SKAP1: variants seen among roughly 807,000 people sequenced by gnomAD.
The protein encoded by SKAP1 is src kinase-associated phosphoprotein 1.
Under a neutral mutation model 58.5 loss-of-function variants are expected in SKAP1, and 44 were observed. The observed-to-expected ratio is 0.75, with a 90% CI of 0.59 to 0.97. SKAP1 has a LOEUF of 0.97. Among genes scored for constraint, SKAP1 ranks in the 50% least tolerant of loss-of-function variants. The pLI is 0.00. For missense variants in SKAP1, 390 were observed against 435.2 expected (o/e 0.90, Z 0.92); for synonymous variants, 127 against 149.7 (o/e 0.85, Z 1.11).
At chr17:48,248,898 A>G (rs2065328824) in intron 4 of SKAP1, 1 of 152,140 alleles carries the variant, frequency 6.6e-6, no homozygotes, top group Non-Finnish European at 1.5e-5. Flanking sequence ...CCAAGTTTAG[A>G]TAAGAACATT....
chr17:48,345,794 C>G, intron 4 of SKAP1, 111 bp downstream of exon 4: 1 of 710,646 alleles, frequency 1.4e-6, no homozygotes, highest in Non-Finnish European at 2.5e-6. Context: ...ATTACCAGTA[C>G]AGAAAACCCA....
intron 4 of SKAP1, among the ~76,000 whole-genome samples, chr17:48,310,107 C>A (rs1038608262): frequency 7.9e-5 from 12 of 152,280 alleles, no homozygotes; most frequent in Middle Eastern, 3.4e-3. Flanking sequence ...CTGCATGCAC[C>A]AACTTTCACT....
At chr17:48,285,255 T>G (rs1050048347) in intron 4 of SKAP1, among the ~76,000 whole-genome samples, 2 of 152,218 alleles carry the variant, frequency 1.3e-5, no homozygotes, top group Non-Finnish European at 2.9e-5. Flanking sequence ...AGCAGAAAGC[T>G]TACTTATACC....
chr17:48,166,469 A>G (rs1434121239), intron 10 of SKAP1, among the ~76,000 whole-genome samples: 1 of 152,234 alleles, frequency 6.6e-6, no homozygotes, highest in Non-Finnish European at 1.5e-5. Context: ...AAAAAGGACC[A>G]GGACATCTCT....
At chr17:48,369,758 A>AT (rs2067059620) in intron 2 of SKAP1, among the ~76,000 whole-genome samples, 1 of 152,222 alleles carries the variant, frequency 6.6e-6, no homozygotes, top group African/African-American at 2.4e-5. Context: ...CAAGGATTAA[A>AT]TAACTTACCC....
At chr17:48,376,190 C>T (rs777161639) in intron 2 of SKAP1, among the ~76,000 whole-genome samples, 6 of 152,046 alleles carry the variant, frequency 3.9e-5, no homozygotes, top group Non-Finnish European at 7.4e-5. Context: ...ACCACTGAGA[C>T]GCCATTATCT....
At chr17:48,367,763 TA>T (rs1392970047) in intron 2 of SKAP1, among the ~76,000 whole-genome samples, 1 of 151,056 alleles carries the variant, frequency 6.6e-6, no homozygotes, top group Non-Finnish European at 1.5e-5. Context: ...ACAAAAGGTA[TA>T]AAAATTAGCC....
intron 4 of SKAP1, among the ~76,000 whole-genome samples, chr17:48,317,997 G>A (rs1320812115): frequency 1.3e-5 from 2 of 152,132 alleles, no homozygotes; most frequent in Non-Finnish European, 2.9e-5. Context: ...GATTTAGAAA[G>A]TGTAATACTG....
chr17:48,271,541 A>T (rs564365631), intron 4 of SKAP1, among the ~76,000 whole-genome samples: 1 of 151,506 alleles, frequency 6.6e-6, no homozygotes, highest in African/African-American at 2.4e-5. Context: ...AATTTTTTTT[A>T]GTATCATTTG....
At position 48,382,402 on chromosome 17, in the gene SKAP1, C is replaced by T. The variant is rs550978107; in HGVS notation, c.152+14278G>A. 13 of 152,358 alleles carry T rather than the reference C, an allele frequency of 8.5e-5. No homozygotes were observed. The East Asian group carries it at 2.5e-3, about 29-fold the overall frequency. 9.4% of individuals were successfully genotyped at this position (152,358 alleles called of 1,614,324 possible). The stretch of plus-strand genomic sequence containing the variant: ...CAGACTGTGTCCTCTCCTCCTTACT[C>T]TCCCAGAGGAAGAGAAGAATGATTG... On this transcript the variant is annotated intron_variant, in intron 2 of 12. Transcript: ENST00000336915.
chr17:48,362,865 G>C (rs906856670), intron 3 of SKAP1, among the ~76,000 whole-genome samples: 4 of 152,124 alleles, frequency 2.6e-5, no homozygotes, highest in Non-Finnish European at 4.4e-5. Context: ...AGAATAAAAA[G>C]TACTTAAAAA....
intron 2 of SKAP1, among the ~76,000 whole-genome samples, chr17:48,364,245 C>T (rs1055710333): frequency 7.2e-5 from 11 of 152,288 alleles, no homozygotes; most frequent in African/African-American, 2.6e-4. Flanking sequence ...ACCACCAACA[C>T]CAACACATCT....
chr17:48,155,592 C>T (rs964658989), intron 11 of SKAP1, among the ~76,000 whole-genome samples: 10 of 151,938 alleles, frequency 6.6e-5, no homozygotes, highest in African/African-American at 2.2e-4. Context: ...CACAGTGGCT[C>T]ACACCTGTAA....
At chr17:48,434,268 C>A (rs1378018999), upstream of SKAP1, among the ~76,000 whole-genome samples, 2 of 152,288 alleles carry the variant, frequency 1.3e-5, no homozygotes, top group East Asian at 3.9e-4. Flanking sequence ...TGCATCCTGT[C>A]GGTGCCAAGA....
intron 11 of SKAP1, among the ~76,000 whole-genome samples, chr17:48,139,186 A>ATT: frequency 6.9e-6 from 1 of 145,208 alleles, no homozygotes; most frequent in East Asian, 2.0e-4. Context: ...GCCAAAATAA[A>ATT]TTTTTTTTTT....
rs1555624630 is a variant in SKAP1 at position 48,410,933 on chromosome 17, T to TC, written c.47-14149dup. On this transcript the variant is annotated intron_variant, in intron 1 of 12. Coordinates refer to ENST00000336915, the MANE Select transcript of SKAP1 (RefSeq NM_003726.4). ...CAGAGCGACAGAGCGAGACTCCATT[T>TC]CAAAAAAAAAAAAAAAAAAAAAAAG... 4.2e-4 allele frequency among the ~76,000 whole-genome samples: 9 copies of TC among 21,470 alleles called. No individual in the cohort carries two copies. In the Admixed American group the frequency reaches 7.3e-3, roughly 17 times the overall value. The allele number at this position is 21,470 out of a possible 152,430, so 14.1% of individuals were successfully genotyped here.
At chr17:48,364,688 A>AAAC (rs892574611) in intron 2 of SKAP1, among the ~76,000 whole-genome samples, 5 of 152,054 alleles carry the variant, frequency 3.3e-5, no homozygotes, top group Admixed American at 6.5e-5. Flanking sequence ...AAAACAAAAC[A>AAAC]AACAACAACA....
intron 3 of SKAP1, among the ~76,000 whole-genome samples, chr17:48,354,366 C>A (rs540330060): frequency 6.6e-6 from 1 of 152,270 alleles, no homozygotes; most frequent in Admixed American, 6.5e-5. Flanking sequence ...AAAAGTATCT[C>A]TTTATTTAAA....
At chr17:48,403,493 T>C (rs957221515) in intron 1 of SKAP1, among the ~76,000 whole-genome samples, 1 of 152,068 alleles carries the variant, frequency 6.6e-6, no homozygotes, top group African/African-American at 2.4e-5. Flanking sequence ...ACATATCCTT[T>C]TGAGCTTTCA....
Sources: gnomAD v4.1 joint callset for allele counts (sites outside exome capture counted in the v4.1 genomes callset) on GRCh38, gnomAD v4.1.1 for gene constraint, MANE v1.5 for transcripts, NCBI Gene and HGNC (gene_info 2026-07-23, HGNC 2026-07-21) for gene names.